The following ATG14 variants were observed in gnomAD, a reference collection of about 807,000 sequenced individuals.
ATG14 encodes beclin 1-associated autophagy-related key regulator.
ATG14 carries 35 observed loss-of-function variants against 60.4 expected under a neutral mutation model. That is an observed-to-expected ratio of 0.58 (90% CI 0.44 to 0.77). ATG14 has a LOEUF of 0.77. Among genes scored for constraint, ATG14 ranks in the 30% least tolerant of loss-of-function variants. ATG14 has a pLI of 0.00. For synonymous variants in ATG14, 234 were observed against 228.8 expected (o/e 1.02, Z -0.21); for missense variants, 647 against 626.3 (o/e 1.03, Z -0.35).
At chr14:55,398,246 C>A (rs1359098666) in intron 1 of ATG14, among the ~76,000 whole-genome samples, 1 of 152,152 alleles carries the variant, frequency 6.6e-6, no homozygotes, top group East Asian at 1.9e-4. Flanking sequence ...CCACCGCGCC[C>A]AGCATAGTTA....
intron 8 of ATG14, 35 bp downstream of exon 8, chr14:55,377,949 A>C (rs373243634): frequency 1.4e-5 from 22 of 1,593,304 alleles, no homozygotes; most frequent in Non-Finnish European, 1.8e-5. Flanking sequence ...ACTATTTAAC[A>C]AAGTAAAAAT....
chr14:55,380,249 A>AAAC (rs111920943), intron 7 of ATG14, among the ~76,000 whole-genome samples: 48,832 of 150,436 alleles, frequency 0.32, 8,020 homozygotes, highest in Non-Finnish European at 0.34. Flanking sequence ...CTCTGTCTCA[A>AAAC]AACAACAACA....
chr14:55,402,251 T>TTCCCTCATCCTAGGGC (rs1433774555), intron 1 of ATG14, among the ~76,000 whole-genome samples: 13 of 152,192 alleles, frequency 8.5e-5, no homozygotes, highest in African/African-American at 2.9e-4. Flanking sequence ...GTCTAGTCCT[T>TTCCCTCATCCTAGGGC]TCCCTCATCC....
At chr14:55,375,315 G>A (rs1246055142) in intron 9 of ATG14, among the ~76,000 whole-genome samples, 2 of 152,002 alleles carry the variant, frequency 1.3e-5, no homozygotes, top group Non-Finnish European at 2.9e-5. Context: ...GACAGCAACT[G>A]TTTTTTGTAT....
At chr14:55,410,827 C>T (rs1051988804) in intron 1 of ATG14, among the ~76,000 whole-genome samples, 7 of 152,324 alleles carry the variant, frequency 4.6e-5, no homozygotes, top group African/African-American at 1.7e-4. Context: ...CATTGACTAT[C>T]ATTGACACTA....
chr14:55,377,838 T>C lies in ATG14; in HGVS notation c.1153A>G (p.Ser385Gly), dbSNP rs1218286574. 1 of 1,595,516 alleles carries C rather than the reference T, an allele frequency of 6.3e-7. No individual in the cohort carries two copies. The highest frequency in any genetic ancestry group is 1.1e-5 in the South Asian group (1 of 87,098). ...LRNLMYLVSP[S>G]SEHLGRSGPF... ...TCTTACCTGCCTAGGTGTTCAGAGC[T>C]TGGACTGACCAGGTACATTAGATTC... The change falls in exon 9 of 10, where the codon AGC becomes GGC. Residue 385 changes from serine (S) to glycine (G), a missense_variant. By Grantham distance (56) the Ser-to-Gly change is moderately conservative. Transcript: ENST00000247178.
chr14:55,386,142 C>G, intron 4 of ATG14, 46 bp from the exon 5 acceptor site: 1 of 1,506,880 alleles, frequency 6.6e-7, no homozygotes, highest in South Asian at 1.2e-5. Context: ...GCAAACAGTT[C>G]CTGTGTACTG....
intron 1 of ATG14, among the ~76,000 whole-genome samples, chr14:55,408,831 G>T (rs990187469): frequency 1.3e-5 from 2 of 152,146 alleles, no homozygotes; most frequent in Non-Finnish European, 2.9e-5. Flanking sequence ...CAATTCAAGG[G>T]AGCATGAGTC....
chr14:55,370,034 C>T (rs1442063462), intron 9 of ATG14, 109 bp from the exon 10 acceptor site: 3 of 1,050,474 alleles, frequency 2.9e-6, no homozygotes, highest in South Asian at 3.9e-5. Context: ...ACGCCGCACA[C>T]CCCATTCATT....
Position 55,385,998 on chromosome 14 carries a change from G to C in ATG14, c.508C>G (p.Arg170Gly), listed in dbSNP as rs371069178. Reference sequence around the variant, plus strand: ...TTTTCTACCAGGTCACCAAGTTTGCGATTATGCCTCTGAATCTTCTCCTTT... The same window carrying C: ...TTTTCTACCAGGTCACCAAGTTTGCCATTATGCCTCTGAATCTTCTCCTTT... ...EKKEKIQRHN[R>G]KLGDLVEKKT... The change falls in exon 5 of 10, where the codon CGC (arginine) becomes GGC (glycine). Residue 170 changes from arginine to glycine, a missense_variant. Transcript: ENST00000247178. 1.9e-6 allele frequency: 3 copies of C among 1,614,016 alleles called. No individual in the cohort carries two copies. Among genetic ancestry groups the C allele is most frequent in the Admixed American group, 1.7e-5 (1 of 60,002 alleles).
At chr14:55,407,254 G>A (rs754398184) in intron 1 of ATG14, among the ~76,000 whole-genome samples, 3 of 152,140 alleles carry the variant, frequency 2.0e-5, no homozygotes, top group African/African-American at 4.8e-5. Context: ...TCAGCCTCCT[G>A]AGTAGCTGAG....
intron 4 of ATG14, among the ~76,000 whole-genome samples, chr14:55,386,570 G>C (rs3825616): frequency 0.56 from 84,629 of 152,112 alleles, 26,585 homozygotes; most frequent in African/African-American, 0.87. Context: ...AGAAGGGCAA[G>C]AGAAACAGCC....
intron 7 of ATG14, 80 bp from the exon 8 acceptor site, chr14:55,378,154 A>C: frequency 8.3e-7 from 1 of 1,198,966 alleles, no homozygotes; most frequent in South Asian, 1.3e-5. Context: ...CAGTACAATT[A>C]GGTATAACAC....
chr14:55,395,687 A>G (rs1419651701), intron 3 of ATG14, among the ~76,000 whole-genome samples: 1 of 152,236 alleles, frequency 6.6e-6, no homozygotes, highest in Non-Finnish European at 1.5e-5. Context: ...AAAGAATAAC[A>G]GCCCATTGTT....
chr14:55,377,715 TGA>T, intron 9 of ATG14, 102 bp downstream of exon 9: 1 of 737,690 alleles, frequency 1.4e-6, no homozygotes, highest in African/African-American at 1.8e-5. Flanking sequence ...TTGTCCGGTT[TGA>T]GGAGTTTGGG....
chr14:55,406,964 CTTT>C (rs202011572), intron 1 of ATG14, among the ~76,000 whole-genome samples: 7 of 141,436 alleles, frequency 4.9e-5, no homozygotes, highest in Admixed American at 7.1e-5. Flanking sequence ...TTGAGATTGT[CTTT>C]TTTTTTTTTT....
intron 1 of ATG14, among the ~76,000 whole-genome samples, chr14:55,398,630 T>C (rs1438510848): frequency 1.5e-5 from 2 of 134,860 alleles, no homozygotes; most frequent in Non-Finnish European, 3.3e-5. Context: ...TTACAAAATA[T>C]ATTGTGTGAT....
rs112917786 is a variant in ATG14, at chr14:55,387,111, C to T, written c.410-1015G>A. 2.0e-5 allele frequency among the ~76,000 whole-genome samples: 3 copies of T among 152,180 alleles called. 1 individual carries two copies. Among genetic ancestry groups the T allele is most frequent in the African/African-American group, 7.2e-5 (3 of 41,532 alleles). On this transcript the variant is annotated intron_variant, in intron 4 of 9. Transcript: ENST00000247178. ...CTATCTCCAACACGGCTCGACTCCA[C>T]GCCTTCATGCCCTCTTTCACTTGCT... is the stretch of plus-strand genomic sequence containing the variant.
intron 5 of ATG14, among the ~76,000 whole-genome samples, chr14:55,385,439 C>A (rs965322593): frequency 1.3e-5 from 2 of 152,164 alleles, no homozygotes; most frequent in African/African-American, 4.8e-5. Context: ...ACTACAGGCA[C>A]GCGCCACCAC....
Sources: allele counts gnomAD v4.1 joint callset (sites outside exome capture counted in the v4.1 genomes callset), GRCh38; gene constraint gnomAD v4.1.1; transcripts MANE v1.5; gene names NCBI Gene and HGNC (gene_info 2026-07-23, HGNC 2026-07-21).